Variants in DCC observed in about 807,000 individuals in gnomAD.
DCC encodes the protein netrin receptor DCC.
Under a neutral mutation model 172.5 loss-of-function variants are expected in DCC, and 58 were observed. That is an observed-to-expected ratio of 0.34 (90% CI 0.27 to 0.42). The LOEUF (loss-of-function observed/expected upper bound fraction) is 0.42. DCC is among the 10% of genes least tolerant of loss of function. DCC has a pLI of 1.00. For missense variants in DCC, 1,740 were observed against 1,791.0 expected (o/e 0.97, Z 0.51); for synonymous variants, 709 against 644.5 (o/e 1.10, Z -1.52).
chr18:53,467,101 T>A (rs532970639), intron 24 of DCC, among the ~76,000 whole-genome samples: 16 of 152,236 alleles, frequency 1.1e-4, no homozygotes, highest in African/African-American at 3.9e-4. Context: ...CTAATCCCTT[T>A]CGCAAAAGGA....
chr18:53,173,968 T>G lies in DCC; in HGVS notation c.1419-4994T>G, dbSNP rs1416840642. 3.2e-4 allele frequency among the ~76,000 whole-genome samples: 28 copies of G among 86,976 alleles called. 1 individual carries two copies. The highest frequency in any genetic ancestry group is 1.3e-3 in the African/African-American group (28 of 20,844). 57.1% of individuals were successfully genotyped at this position (86,976 alleles called of 152,430 possible). On this transcript the variant is annotated intron_variant, in intron 8 of 28. Coordinates refer to ENST00000442544, the MANE Select transcript of DCC (RefSeq NM_005215.4). The stretch of plus-strand genomic sequence containing the variant: ...AGCAAATGTAAAAGAACAGAAATTA[T>G]AACAAACTATCTCTCAGACCACAGT...
At chr18:53,157,295 C>A (rs2054754346) in intron 7 of DCC, 61 bp from the exon 8 acceptor site, 3 of 1,610,292 alleles carry the variant, frequency 1.9e-6, no homozygotes, top group Non-Finnish European at 1.7e-6. Flanking sequence ...GCTCTGCCTT[C>A]CTACCCAATT....
At chr18:52,548,251 T>G (rs917043563) in intron 1 of DCC, among the ~76,000 whole-genome samples, 1 of 152,148 alleles carries the variant, frequency 6.6e-6, no homozygotes, top group Non-Finnish European at 1.5e-5. Context: ...TTAACCATCC[T>G]TAATATAGGC....
rs542918153 is a variant in DCC, at chr18:53,332,726, G to A, written c.2165-6987G>A. ...TAAAGGGGCAGCCTAAGGAAATTTT[G>A]GCAGTGATGGGATTTTTCTGTATTA... is the stretch of plus-strand genomic sequence containing the variant. On this transcript the variant is annotated intron_variant, in intron 14 of 28. Transcript: ENST00000442544. 2.0e-5 allele frequency among the ~76,000 whole-genome samples: 3 copies of A among 152,198 alleles called. No homozygotes were observed. The East Asian group carries it at 5.8e-4, about 29-fold the overall frequency.
chr18:52,615,071 A>G (rs2034354247), intron 1 of DCC, among the ~76,000 whole-genome samples: 1 of 152,282 alleles, frequency 6.6e-6, no homozygotes, highest in East Asian at 1.9e-4. Context: ...ATCTCTCTTA[A>G]AAGTCGATAG....
chr18:53,058,142 T>C (rs1285657374), intron 5 of DCC, among the ~76,000 whole-genome samples: 1 of 152,170 alleles, frequency 6.6e-6, no homozygotes, highest in East Asian at 1.9e-4. Flanking sequence ...TCATATTCAC[T>C]CTTTAGTCAG....
chr18:53,182,783 G>GTTCCT (rs917126590), intron 9 of DCC, among the ~76,000 whole-genome samples: 1 of 151,916 alleles, frequency 6.6e-6, no homozygotes, highest in African/African-American at 2.4e-5. Context: ...AGATCCTATG[G>GTTCCT]TTCCTTTCCT....
At chr18:52,604,988 C>T (rs1462056922) in intron 1 of DCC, among the ~76,000 whole-genome samples, 2 of 150,202 alleles carry the variant, frequency 1.3e-5, no homozygotes, top group Non-Finnish European at 3.0e-5. Flanking sequence ...CTGTTTGGGG[C>T]AATATGGTTT....
chr18:52,509,964 G>A (rs1368339061), intron 1 of DCC, among the ~76,000 whole-genome samples: 3 of 152,114 alleles, frequency 2.0e-5, no homozygotes, highest in South Asian at 2.1e-4. Context: ...ATCAGCTGGC[G>A]TGGTGGCAGA....
intron 2 of DCC, among the ~76,000 whole-genome samples, chr18:52,755,482 A>G (rs1490615590): frequency 6.6e-6 from 1 of 152,220 alleles, no homozygotes; most frequent in Non-Finnish European, 1.5e-5. Flanking sequence ...AGATTGTATC[A>G]TTTCAAGGCA....
At chr18:52,979,835 T>C (rs1232306768) in intron 5 of DCC, among the ~76,000 whole-genome samples, 1 of 152,196 alleles carries the variant, frequency 6.6e-6, no homozygotes, top group African/African-American at 2.4e-5. Context: ...TAAAGAACTT[T>C]GGAGGGAAGA....
chr18:52,495,012 G>A (rs75476138), intron 1 of DCC, among the ~76,000 whole-genome samples: 1,523 of 152,164 alleles, frequency 0.01, 14 homozygotes, highest in Non-Finnish European at 0.016. Flanking sequence ...GCTGAATCAA[G>A]GCTGGATTAT....
chr18:52,406,848 A>T (rs1598792753), intron 1 of DCC, among the ~76,000 whole-genome samples: 1 of 152,208 alleles, frequency 6.6e-6, no homozygotes, highest in Admixed American at 6.6e-5. Flanking sequence ...GATATAAGAC[A>T]GTCTGAACTA....
At chr18:52,517,832 A>C (rs1006318982) in intron 1 of DCC, among the ~76,000 whole-genome samples, 2 of 152,154 alleles carry the variant, frequency 1.3e-5, no homozygotes, top group African/African-American at 4.8e-5. Flanking sequence ...TTAATTTTAA[A>C]GGGATTAGGA....
intron 1 of DCC, among the ~76,000 whole-genome samples, chr18:52,534,957 T>C (rs1206115810): frequency 1.3e-5 from 2 of 152,278 alleles, no homozygotes; most frequent in East Asian, 1.9e-4. Flanking sequence ...TTGAGCACAA[T>C]ATATCATTAA....
At chr18:52,469,577 A>T (rs1400811056) in intron 1 of DCC, among the ~76,000 whole-genome samples, 1 of 152,246 alleles carries the variant, frequency 6.6e-6, no homozygotes, top group Non-Finnish European at 1.5e-5. Flanking sequence ...ATAAACATTG[A>T]TAATCACAGA....
chr18:52,515,505 G>T (rs2031599640), intron 1 of DCC, among the ~76,000 whole-genome samples: 1 of 149,044 alleles, frequency 6.7e-6, no homozygotes, highest in East Asian at 2.0e-4. Flanking sequence ...TACTCGGGAG[G>T]CTGAGGCAGG....
intron 5 of DCC, among the ~76,000 whole-genome samples, chr18:53,031,967 C>T (rs1306894701): frequency 6.6e-6 from 1 of 151,924 alleles, no homozygotes; most frequent in East Asian, 1.9e-4. Flanking sequence ...TGAACTGGTC[C>T]AGCAATATAA....
At chr18:52,919,832 C>T (rs2040093082) in intron 3 of DCC, among the ~76,000 whole-genome samples, 1 of 151,954 alleles carries the variant, frequency 6.6e-6, no homozygotes, top group Non-Finnish European at 1.5e-5. Context: ...GACTTCAAGA[C>T]TTACTATAAA....
Sources: gnomAD v4.1 joint callset for allele counts (sites outside exome capture counted in the v4.1 genomes callset) on GRCh38, gnomAD v4.1.1 for gene constraint, MANE v1.5 for transcripts, NCBI Gene and HGNC (gene_info 2026-07-23, HGNC 2026-07-21) for gene names.